Variants in LRP1B observed in about 807,000 individuals in gnomAD.
LRP1B encodes the protein LDL receptor related protein 1B.
Under a neutral mutation model 556.6 loss-of-function variants are expected in LRP1B, and 217 were observed. The observed-to-expected ratio is 0.39, with a 90% confidence interval of 0.35 to 0.44. The LOEUF is 0.44. LRP1B is among the 20% of genes least tolerant of loss of function. The probability of loss-of-function intolerance (pLI) is 1.00; values close to 1 mark genes in which losing one functional copy is unlikely to be tolerated. For synonymous variants in LRP1B, 2,047 were observed against 1,865.8 expected, an observed-to-expected ratio of 1.10 and a Z score of -2.50; for missense variants, 5,053 against 5,620.8, an observed-to-expected ratio of 0.90 and a Z score of 3.23.
chr2:141,758,023 C>A (rs906646), intron 2 of LRP1B, among the ~76,000 whole-genome samples: 63,074 of 151,700 alleles, frequency 0.42, 13,329 homozygotes, highest in East Asian at 0.54. Flanking sequence ...AGAAAACAGA[C>A]AAAACAGGTT....
At chr2:141,846,258 G>C (rs967813712) in intron 1 of LRP1B, among the ~76,000 whole-genome samples, 3 of 151,482 alleles carry the variant, frequency 2.0e-5, no homozygotes, top group South Asian at 4.2e-4. Context: ...TAACCAAGTA[G>C]GCATTATTAC....
At chr2:141,347,102 T>C (rs765853895) in intron 3 of LRP1B, among the ~76,000 whole-genome samples, 3 of 152,154 alleles carry the variant, frequency 2.0e-5, no homozygotes, top group Non-Finnish European at 4.4e-5. Flanking sequence ...CAGTTTGTCT[T>C]TATTAAAACA....
chr2:140,358,787 C>T lies in LRP1B; in HGVS notation c.11257+34G>A, dbSNP rs754651409. 4.4e-6 allele frequency: 7 copies of T among 1,599,966 alleles called. No homozygotes were observed. In the Admixed American group the frequency reaches 5.0e-5, roughly 12 times the overall value. ...CCAAGTCATCAGAGAACCTCATAGC[C>T]ATCACTGAATTATTTCACATTAAAT... On this transcript the variant is annotated intron_variant, in intron 73 of 90. Coordinates refer to ENST00000389484, the MANE Select transcript of LRP1B (RefSeq NM_018557.3).
chr2:140,541,436 T>C (rs755328868), intron 44 of LRP1B, among the ~76,000 whole-genome samples: 17 of 152,050 alleles, frequency 1.1e-4, no homozygotes, highest in Non-Finnish European at 1.8e-4. Context: ...TCAAGTGTAA[T>C]TTTCATGGAA....
At chr2:141,557,448 C>A (rs145568324) in intron 2 of LRP1B, among the ~76,000 whole-genome samples, 32 of 152,020 alleles carry the variant, frequency 2.1e-4, no homozygotes, top group Middle Eastern at 3.4e-3. Context: ...ATGTGAATAA[C>A]CGCAGAGAGA....
At chr2:141,459,874 G>C (rs375080803) in intron 3 of LRP1B, among the ~76,000 whole-genome samples, 1 of 152,104 alleles carries the variant, frequency 6.6e-6, no homozygotes, top group Admixed American at 6.6e-5. Flanking sequence ...AGAAGGCATG[G>C]ATATGCAAAC....
intron 18 of LRP1B, among the ~76,000 whole-genome samples, chr2:140,971,828 C>T (rs772870734): frequency 2.1e-4 from 32 of 151,820 alleles, no homozygotes; most frequent in Admixed American, 9.8e-4. Context: ...AGAGAGACTC[C>T]GTCTCAAAAA....
intron 6 of LRP1B, among the ~76,000 whole-genome samples, chr2:141,228,513 C>T (rs1683337645): frequency 6.7e-6 from 1 of 148,660 alleles, no homozygotes; most frequent in African/African-American, 2.5e-5. Flanking sequence ...TGTGTGTACT[C>T]CCATGTGGAA....
In LRP1B at chr2:140,233,076, G is replaced by T; in HGVS notation, c.*110C>A. The T allele has an allele frequency of 1.5e-6, 1 of 646,814 alleles. No homozygotes were observed. The highest frequency in any genetic ancestry group is 2.3e-6 in the Non-Finnish European group (1 of 432,212). The allele number at this position is 646,814 out of a possible 1,614,324, so 40.1% of individuals were successfully genotyped here. On this transcript the variant is annotated 3_prime_UTR_variant, in exon 91 of 91. Coordinates refer to ENST00000389484, the MANE Select transcript of LRP1B (RefSeq NM_018557.3). The stretch of plus-strand genomic sequence containing the variant: ...TCAGAAAACAATTAACCAGGAAAAA[G>T]ATAAAGAAAGAGGTAATGCTGATGC...
At position 141,156,696 on chromosome 2, in the gene LRP1B, G is replaced by T. The variant is rs150351962; in HGVS notation, c.1013+31725C>A. Among the ~76,000 whole-genome samples the T allele has an allele frequency of 6.9e-3, 1,047 of 151,848 alleles. 10 individuals are homozygous for T. The highest frequency in any genetic ancestry group is 0.024 in the African/African-American group (992 of 41,366). The stretch of plus-strand genomic sequence containing the variant: ...GGAGTGTAGAAATGGCATGTTACAT[G>T]CTGAGAGAGAGTTCTCTCATAGATA... On this transcript the variant is annotated intron_variant, in intron 7 of 90. Transcript: ENST00000389484.
chr2:141,079,521 C>G (rs574205035), intron 7 of LRP1B, among the ~76,000 whole-genome samples: 19 of 152,288 alleles, frequency 1.2e-4, no homozygotes, highest in African/African-American at 4.6e-4. Flanking sequence ...GACTCACAAG[C>G]CTTTTATATT....
At chr2:140,658,312 T>C (rs1684962447) in intron 41 of LRP1B, among the ~76,000 whole-genome samples, 1 of 152,030 alleles carries the variant, frequency 6.6e-6, no homozygotes, top group Non-Finnish European at 1.5e-5. Context: ...TCAAATTATA[T>C]ACAAAAGGAA....
intron 11 of LRP1B, among the ~76,000 whole-genome samples, chr2:141,031,569 A>G (rs1446043247): frequency 1.3e-5 from 2 of 151,978 alleles, no homozygotes; most frequent in Non-Finnish European, 2.9e-5. Flanking sequence ...ATAATTAAAT[A>G]TGTATAGATT....
chr2:141,160,142 C>T (rs953615530), intron 7 of LRP1B, among the ~76,000 whole-genome samples: 5 of 152,000 alleles, frequency 3.3e-5, no homozygotes, highest in South Asian at 4.1e-4. Context: ...TTTAAAAATA[C>T]ATGGCAATAT....
chr2:141,223,790 C>A (rs542676234), intron 6 of LRP1B, among the ~76,000 whole-genome samples: 2 of 152,238 alleles, frequency 1.3e-5, no homozygotes, highest in South Asian at 2.1e-4. Flanking sequence ...GGAAATGATT[C>A]CCTATTTAAT....
At chr2:141,919,200 C>CAT (rs1700115510) in intron 1 of LRP1B, among the ~76,000 whole-genome samples, 1 of 151,972 alleles carries the variant, frequency 6.6e-6, no homozygotes. Flanking sequence ...GATACATACA[C>CAT]ATATACATAT....
At chr2:140,914,834 T>G (rs1694527470) in intron 21 of LRP1B, among the ~76,000 whole-genome samples, 1 of 152,170 alleles carries the variant, frequency 6.6e-6, no homozygotes, top group Non-Finnish European at 1.5e-5. Flanking sequence ...GGTTAAGTGT[T>G]GCAGAGAAAG....
At chr2:140,953,832 C>T (rs528207463) in intron 18 of LRP1B, among the ~76,000 whole-genome samples, 3 of 152,212 alleles carry the variant, frequency 2.0e-5, no homozygotes, top group Admixed American at 2.0e-4. Flanking sequence ...CATGTATCTC[C>T]TTAAGGAAAA....
intron 60 of LRP1B, among the ~76,000 whole-genome samples, chr2:140,472,940 A>C (rs1188312184): frequency 6.6e-6 from 1 of 152,052 alleles, no homozygotes; most frequent in Admixed American, 6.6e-5. Flanking sequence ...AAATGAGAAA[A>C]ATAATATTGG....
Sources: allele counts gnomAD v4.1 joint callset (sites outside exome capture counted in the v4.1 genomes callset), GRCh38; gene constraint gnomAD v4.1.1; transcripts MANE v1.5; gene names NCBI Gene and HGNC (gene_info 2026-07-23, HGNC 2026-07-21).